Variants in PLXNA4 observed in about 807,000 individuals in gnomAD.
The protein encoded by PLXNA4 is plexin-A4.
In PLXNA4, 44 loss-of-function variants were observed where a neutral mutation model predicts 191.8. The observed-to-expected ratio is 0.23, with a 90% CI of 0.18 to 0.29. The LOEUF is 0.29. Among genes scored for constraint, PLXNA4 ranks in the 10% least tolerant of loss-of-function variants. PLXNA4 has a pLI of 1.00. For missense variants in PLXNA4, 1,800 were observed against 2,488.8 expected (o/e 0.72, Z 5.89); for synonymous variants, 1,082 against 1,009.5 (o/e 1.07, Z -1.36).
chr7:132,252,655 C>A (rs1799296595), intron 4 of PLXNA4, among the ~76,000 whole-genome samples: 2 of 152,100 alleles, frequency 1.3e-5, no homozygotes, highest in South Asian at 4.2e-4. Context: ...ATTAGCACAA[C>A]CATTTTGAGG....
At chr7:132,225,957 G>A (rs1188572117) in intron 8 of PLXNA4, among the ~76,000 whole-genome samples, 1 of 150,032 alleles carries the variant, frequency 6.7e-6, no homozygotes, top group East Asian at 1.9e-4. Context: ...TAACCCTGTG[G>A]GTACCAGAGG....
At chr7:132,388,546 A>T (rs921266215) in intron 3 of PLXNA4, among the ~76,000 whole-genome samples, 4 of 152,168 alleles carry the variant, frequency 2.6e-5, no homozygotes, top group Admixed American at 1.3e-4. Flanking sequence ...AGAAAAAAAA[A>T]GGTCTCCTTA....
At chr7:132,475,702 A>C (rs1797098468) in intron 3 of PLXNA4, among the ~76,000 whole-genome samples, 1 of 151,810 alleles carries the variant, frequency 6.6e-6, no homozygotes. Flanking sequence ...CCGGGAAGCG[A>C]GGTCAGCAAG....
At chr7:132,561,857 ATCC>A (rs1801131886) in intron 1 of PLXNA4, among the ~76,000 whole-genome samples, 1 of 32,762 alleles carries the variant, frequency 3.1e-5, no homozygotes, top group Admixed American at 3.3e-4. Context: ...CCTCCTCCTT[ATCC>A]TCCTCTTTCT....
intron 3 of PLXNA4, among the ~76,000 whole-genome samples, chr7:132,391,111 T>G (rs1805391512): frequency 6.6e-6 from 1 of 151,972 alleles, no homozygotes; most frequent in Non-Finnish European, 1.5e-5. Context: ...TTAGCATTAG[T>G]GGAAAGGAGA....
At chr7:132,131,364 T>C (rs892595154) in intron 31 of PLXNA4, among the ~76,000 whole-genome samples, 1 of 152,062 alleles carries the variant, frequency 6.6e-6, no homozygotes, top group East Asian at 1.9e-4. Flanking sequence ...CAACTGTTAA[T>C]GTAGGAATGA....
intron 12 of PLXNA4, among the ~76,000 whole-genome samples, chr7:132,201,922 G>A (rs892443621): frequency 6.6e-6 from 1 of 152,192 alleles, no homozygotes; most frequent in Non-Finnish European, 1.5e-5. Context: ...TACCTTGCCT[G>A]TAGGTGCGTG....
chr7:132,559,931 CAG>C (rs1800964151), intron 1 of PLXNA4, among the ~76,000 whole-genome samples: 1 of 152,112 alleles, frequency 6.6e-6, no homozygotes. Flanking sequence ...ATATGAGAAA[CAG>C]GGGGTAGAAC....
At chr7:132,174,690 T>C (rs1380345837) in intron 21 of PLXNA4, 88 bp downstream of exon 21, 2 of 1,554,458 alleles carry the variant, frequency 1.3e-6, no homozygotes, top group Non-Finnish European at 1.7e-6. Flanking sequence ...CTGGCCTTAG[T>C]TTTCTCACCT....
At chr7:132,133,027 C>A in intron 31 of PLXNA4, 22 bp downstream of exon 31, 1 of 1,609,294 alleles carries the variant, frequency 6.2e-7, no homozygotes, top group Non-Finnish European at 8.5e-7. Flanking sequence ...TCCCAATGGG[C>A]CTGGAGCAGG....
intron 3 of PLXNA4, among the ~76,000 whole-genome samples, chr7:132,480,916 G>A (rs1797308207): frequency 6.6e-6 from 1 of 152,180 alleles, no homozygotes; most frequent in Non-Finnish European, 1.5e-5. Context: ...CAGGGCCCTT[G>A]AGGACTCGAA....
At chr7:132,256,270 G>A (rs913033098) in intron 4 of PLXNA4, among the ~76,000 whole-genome samples, 1 of 152,252 alleles carries the variant, frequency 6.6e-6, no homozygotes, top group African/African-American at 2.4e-5. Flanking sequence ...ATACAGGGCT[G>A]AGGCAGCAGC....
At chr7:132,630,662 C>T (rs1189636269) in intron 2 of PLXNA4, among the ~76,000 whole-genome samples, 1 of 152,140 alleles carries the variant, frequency 6.6e-6, no homozygotes, top group Non-Finnish European at 1.5e-5. Flanking sequence ...CAGGCGTCTG[C>T]CACCACACCC....
rs759279523 is a variant in PLXNA4 at position 132,133,218 on chromosome 7, A to C, written c.5439-19T>G. The stretch of plus-strand genomic sequence containing the variant: ...GTAATACCTGTGGAGGGATGGAAAT[A>C]GGGAGAAGCTGAAGTCGTGCATACG... On this transcript the variant is annotated intron_variant, in intron 30 of 31. Coordinates refer to ENST00000321063, the MANE Select transcript of PLXNA4 (RefSeq NM_020911.2). The C allele has an allele frequency of 6.2e-7, 1 of 1,613,220 alleles. No individual in the cohort carries two copies. Among genetic ancestry groups the C allele is most frequent in the Non-Finnish European group, 8.5e-7 (1 of 1,179,566 alleles).
intron 3 of PLXNA4, among the ~76,000 whole-genome samples, chr7:132,447,240 A>G (rs1795946392): frequency 6.6e-6 from 1 of 152,018 alleles, no homozygotes; most frequent in Non-Finnish European, 1.5e-5. Context: ...CTCATCCCCT[A>G]CTTCCTGCTC....
chr7:132,404,759 G>A (rs749927240), intron 3 of PLXNA4, among the ~76,000 whole-genome samples: 9 of 152,190 alleles, frequency 5.9e-5, no homozygotes, highest in Non-Finnish European at 1.3e-4. Context: ...TTCATGTAAA[G>A]TTCTTAGAAC....
rs143605398 is a variant in PLXNA4 at position 132,203,299 on chromosome 7, TGCTAGGCCCCAGCC to T, written c.2395+10_2395+23del. 100,656 of 1,115,036 alleles carry T rather than the reference TGCTAGGCCCCAGCC, an allele frequency of 0.09. 3,943 individuals are homozygous for T. The highest frequency in any genetic ancestry group is 0.16 in the South Asian group (13,707 of 83,152). 69.1% of individuals were successfully genotyped at this position (1,115,036 alleles called of 1,614,324 possible). A position where few individuals can be genotyped will look rare whatever the true frequency, so the allele number is the denominator to read the frequency against. On this transcript the variant is annotated intron_variant, in intron 11 of 31. Coordinates refer to ENST00000321063, the MANE Select transcript of PLXNA4 (RefSeq NM_020911.2). Reference sequence around the variant, plus strand: ...ACCCCATCCCTTCCCCTCCCTCCCCTGCTAGGCCCCAGCCCTTCCACACCTTTATTCTGAGCTGG... The same window carrying T: ...ACCCCATCCCTTCCCCTCCCTCCCCTCTTCCACACCTTTATTCTGAGCTGG...
chr7:132,644,712 G>A (rs1348694979), intron 2 of PLXNA4, among the ~76,000 whole-genome samples: 1 of 152,168 alleles, frequency 6.6e-6, no homozygotes, highest in Non-Finnish European at 1.5e-5. Flanking sequence ...AGGAAATAAT[G>A]GCAGTCGATC....
intron 3 of PLXNA4, among the ~76,000 whole-genome samples, chr7:132,362,454 A>C (rs1268713216): frequency 1.3e-5 from 2 of 152,246 alleles, no homozygotes; most frequent in African/African-American, 4.8e-5. Flanking sequence ...AATCAGGGGC[A>C]CCCAGACTAA....
Sources: gnomAD v4.1 joint callset for allele counts (sites outside exome capture counted in the v4.1 genomes callset) on GRCh38, gnomAD v4.1.1 for gene constraint, MANE v1.5 for transcripts, NCBI Gene and HGNC (gene_info 2026-07-23, HGNC 2026-07-21) for gene names.